ZNF345: variants seen among roughly 807,000 people sequenced by gnomAD.
ZNF345 encodes zinc finger protein 345.
For missense variants in ZNF345, 527 were observed against 589.9 expected (o/e 0.89, Z 1.10); for synonymous variants, 166 against 187.9 (o/e 0.88, Z 0.95).
chr19:36,871,759 T>C (rs1396136074), intron 2 of ZNF345, among the ~76,000 whole-genome samples: 1 of 151,994 alleles, frequency 6.6e-6, no homozygotes, highest in Non-Finnish European at 1.5e-5. Flanking sequence ...TTGTTTTATA[T>C]GACTTTGAAT....
At chr19:36,861,620 G>A (rs1480824159) in intron 2 of ZNF345, among the ~76,000 whole-genome samples, 5 of 152,148 alleles carry the variant, frequency 3.3e-5, no homozygotes, top group African/African-American at 9.6e-5. Context: ...AAGTGCAGTG[G>A]CGTGATCTCC....
intron 2 of ZNF345, among the ~76,000 whole-genome samples, chr19:36,852,701 C>T (rs2072310726): frequency 6.6e-6 from 1 of 151,948 alleles, no homozygotes; most frequent in African/African-American, 2.4e-5. Flanking sequence ...TGTACTTATG[C>T]CAGCAGTTTA....
chr19:36,889,515 T>C (rs1438067691), intron 3 of ZNF345: 1 of 152,210 alleles, frequency 6.6e-6, no homozygotes, highest in Non-Finnish European at 1.5e-5. Flanking sequence ...CCTGGTTCAA[T>C]CTTGGAAGGT....
At chr19:36,892,796 AT>A (rs774351036) in intron 3 of ZNF345, 116 of 567,648 alleles carry the variant, frequency 2.0e-4, no homozygotes, top group South Asian at 3.2e-4. Flanking sequence ...AAAAAAAAAA[AT>A]TTTTTTTGCC....
intron 2 of ZNF345, among the ~76,000 whole-genome samples, chr19:36,861,061 A>T (rs1006383589): frequency 6.6e-6 from 1 of 152,136 alleles, no homozygotes; most frequent in African/African-American, 2.4e-5. Context: ...ATGAATTCAT[A>T]GATGTTTACT....
chr19:36,865,845 C>T (rs952666017), intron 2 of ZNF345, among the ~76,000 whole-genome samples: 1 of 152,128 alleles, frequency 6.6e-6, no homozygotes, highest in Non-Finnish European at 1.5e-5. Context: ...ACCTTCCACT[C>T]ATAGCTTGTT....
At position 36,873,458 on chromosome 19, in the gene ZNF345, A is replaced by G. The variant is rs141658948; in HGVS notation, c.-46-3327A>G. ...AGTCAAGCAAATTAACATGTTCATC[A>G]TCTCACATAGTTACACTTTTTGTGT... On this transcript the variant is annotated intron_variant, in intron 2 of 2. Transcript: ENST00000420450. Among the ~76,000 whole-genome samples the G allele has an allele frequency of 1.0e-3, 156 of 152,344 alleles. 2 individuals are homozygous for G. The East Asian group carries it at 0.028, about 27-fold the overall frequency.
rs200253149 is a variant in ZNF345 at position 36,877,066 on chromosome 19, G to A, written c.236G>A (p.Arg79Gln). ...KDFSFVSVLV[R>Q]HQRIHTGEKP... is the part of the protein sequence containing the mutation. The stretch of plus-strand genomic sequence containing the variant: ...TTTAGTTTTGTATCAGTCCTTGTTC[G>A]ACATCAGCGAATTCATACTGGTGAG... Residue 79 changes from arginine to glutamine, a missense_variant, in exon 3 of 3, where the codon CGA becomes CAA. Coordinates refer to ENST00000420450, the MANE Select transcript of ZNF345 (RefSeq NM_001242472.2). 17 of 1,613,924 alleles carry A rather than the reference G, an allele frequency of 1.1e-5. No individual in the cohort carries two copies. Among genetic ancestry groups the A allele is most frequent in the Middle Eastern group, 3.3e-4 (2 of 6,084 alleles).
chr19:36,865,471 T>G (rs1230179705), intron 2 of ZNF345, among the ~76,000 whole-genome samples: 1 of 152,142 alleles, frequency 6.6e-6, no homozygotes, highest in African/African-American at 2.4e-5. Context: ...TTTATTTATT[T>G]ATTGATAGAG....
intron 2 of ZNF345, among the ~76,000 whole-genome samples, chr19:36,875,471 A>G (rs1451937548): frequency 6.6e-6 from 1 of 152,142 alleles, no homozygotes; most frequent in African/African-American, 2.4e-5. Flanking sequence ...CATAGTAGCT[A>G]CAGCTTATTG....
At chr19:36,850,484 G>A (rs1323245239), upstream of ZNF345, 1 of 152,316 alleles carries the variant, frequency 6.6e-6, no homozygotes. Context: ...GCTGGGTGAA[G>A]GAGTTAAAGG....
intron 2 of ZNF345, chr19:36,863,049 A>G (rs2072585765): frequency 6.6e-6 from 1 of 152,262 alleles, no homozygotes; most frequent in Non-Finnish European, 1.5e-5. Flanking sequence ...CGCAATCAGC[A>G]TAATCTTGGA....
intron 2 of ZNF345, among the ~76,000 whole-genome samples, chr19:36,857,453 C>T (rs1478327803): frequency 1.3e-5 from 2 of 151,906 alleles, no homozygotes; most frequent in Admixed American, 6.6e-5. Flanking sequence ...ACTACAGGCG[C>T]CCGCCACCAC....
chr19:36,874,965 G>A (rs781598170), intron 2 of ZNF345, among the ~76,000 whole-genome samples: 3 of 151,960 alleles, frequency 2.0e-5, no homozygotes, highest in Non-Finnish European at 4.4e-5. Flanking sequence ...TATGTTGTAT[G>A]GCTAGAGAAA....
At chr19:36,852,795 A>G (rs1408056385) in intron 2 of ZNF345, among the ~76,000 whole-genome samples, 1 of 151,714 alleles carries the variant, frequency 6.6e-6, no homozygotes, top group East Asian at 1.9e-4. Context: ...CTAATGTTAT[A>G]TTTAATTTAA....
At chr19:36,861,574 A>ATTTTTTTTTTTTTTTTTTTT (rs1568352757) in intron 2 of ZNF345, among the ~76,000 whole-genome samples, 1 of 152,060 alleles carries the variant, frequency 6.6e-6, no homozygotes, top group African/African-American at 2.4e-5. Flanking sequence ...TTATTTATTT[A>ATTTTTTTTTTTTTTTTTTTT]TTTTTGAGAC....
intron 2 of ZNF345, among the ~76,000 whole-genome samples, chr19:36,864,196 G>T (rs1004386959): frequency 6.6e-6 from 1 of 152,136 alleles, no homozygotes; most frequent in African/African-American, 2.4e-5. Flanking sequence ...AAGAAGTAAA[G>T]GAAACTCTAA....
downstream of ZNF345, among the ~76,000 whole-genome samples, chr19:36,883,337 C>T (rs550149711): frequency 2.0e-5 from 3 of 152,290 alleles, no homozygotes; most frequent in Middle Eastern, 3.4e-3. Flanking sequence ...CGTTTCTCTT[C>T]ATCTCTCTGT....
chr19:36,875,501 A>T (rs1394327727), intron 2 of ZNF345, among the ~76,000 whole-genome samples: 1 of 152,008 alleles, frequency 6.6e-6, no homozygotes, highest in African/African-American at 2.4e-5. Context: ...GGGTGCAGGG[A>T]GGGATATTAG....
Sources: gnomAD v4.1 joint callset for allele counts (sites outside exome capture counted in the v4.1 genomes callset) on GRCh38, gnomAD v4.1.1 for gene constraint, MANE v1.5 for transcripts, NCBI Gene and HGNC (gene_info 2026-07-23, HGNC 2026-07-21) for gene names.